The following NRP1 variants were observed in gnomAD, a reference collection of about 807,000 sequenced individuals.
The protein encoded by NRP1 is neuropilin 1, also known as neuropilin-1.
Under a neutral mutation model 106.7 loss-of-function variants are expected in NRP1, and 35 were observed. The ratio of observed to expected loss-of-function variants is 0.33; its 90% CI spans 0.25 to 0.43. The LOEUF (loss-of-function observed/expected upper bound fraction) is 0.43, where lower values mean the gene tolerates loss of function less well. Among genes scored for constraint, NRP1 ranks in the 20% least tolerant of loss-of-function variants. NRP1 has a pLI of 1.00. For missense variants in NRP1, 1,024 were observed against 1,170.4 expected (o/e 0.87, Z 1.83); for synonymous variants, 437 against 417.9 (o/e 1.05, Z -0.56).
chr10:33,192,515 C>T (rs557871002), intron 12 of NRP1, 97 bp from the exon 13 acceptor site: 16 of 1,262,890 alleles, frequency 1.3e-5, no homozygotes, highest in Admixed American at 4.2e-5. Flanking sequence ...ATGGAAAGCA[C>T]GATTTATACA....
chr10:33,247,651 G>A (rs1216097353), intron 6 of NRP1, among the ~76,000 whole-genome samples: 3 of 152,158 alleles, frequency 2.0e-5, no homozygotes, highest in African/African-American at 2.4e-5. Context: ...TACCTCAGTC[G>A]CAAGAGCATG....
At chr10:33,240,279 G>A (rs1035698958) in intron 6 of NRP1, among the ~76,000 whole-genome samples, 2 of 152,148 alleles carry the variant, frequency 1.3e-5, no homozygotes, top group African/African-American at 4.8e-5. Flanking sequence ...GTATTAAATA[G>A]CATGTACAGG....
At chr10:33,313,839 C>A (rs1846795953) in intron 2 of NRP1, among the ~76,000 whole-genome samples, 1 of 152,196 alleles carries the variant, frequency 6.6e-6, no homozygotes. Flanking sequence ...GCTGAGGGCA[C>A]AATCAAGAGA....
intron 2 of NRP1, among the ~76,000 whole-genome samples, chr10:33,305,713 T>C (rs1846103451): frequency 6.6e-6 from 1 of 151,594 alleles, no homozygotes; most frequent in Non-Finnish European, 1.5e-5. Flanking sequence ...TAAAAGTCTA[T>C]GATAACGGGA....
At chr10:33,257,142 A>G (rs907199596) in intron 4 of NRP1, among the ~76,000 whole-genome samples, 22 of 152,222 alleles carry the variant, frequency 1.4e-4, no homozygotes, top group Admixed American at 1.3e-3. Flanking sequence ...TTTATACATA[A>G]TGGCAACTTA....
At chr10:33,270,637 C>G (rs1379386716) in intron 3 of NRP1, 38 bp downstream of exon 3, 1 of 1,545,962 alleles carries the variant, frequency 6.5e-7, no homozygotes, top group Non-Finnish European at 8.8e-7. Context: ...TAAATGAACT[C>G]TTAGTCATTC....
At chr10:33,185,480 T>G in intron 15 of NRP1, 148 bp downstream of exon 15, 1 of 612,698 alleles carries the variant, frequency 1.6e-6, no homozygotes, top group Non-Finnish European at 2.9e-6. Context: ...TTGTATGCCC[T>G]GTTGCACCAG....
chr10:33,229,521 C>T (rs1313450243), intron 6 of NRP1, among the ~76,000 whole-genome samples: 1 of 152,130 alleles, frequency 6.6e-6, no homozygotes, highest in Non-Finnish European at 1.5e-5. Flanking sequence ...ACAGATGGCT[C>T]TTTAGTTTGG....
chr10:33,270,966 G>A (rs1274136709), intron 2 of NRP1, 110 bp from the exon 3 acceptor site: 2 of 896,140 alleles, frequency 2.2e-6, no homozygotes, highest in Non-Finnish European at 3.3e-6. Context: ...AGAAAAAAAA[G>A]TTCTATCTGC....
intron 2 of NRP1, among the ~76,000 whole-genome samples, chr10:33,282,811 T>A (rs1844239250): frequency 6.6e-6 from 1 of 151,992 alleles, no homozygotes; most frequent in Admixed American, 6.6e-5. Context: ...AGTGGCACGA[T>A]CTTGGCTCAC....
chr10:33,187,594 G>A (rs1040889401), intron 13 of NRP1, among the ~76,000 whole-genome samples: 2 of 152,082 alleles, frequency 1.3e-5, no homozygotes, highest in African/African-American at 2.4e-5. Flanking sequence ...TCTTGGCTTC[G>A]CTTTTAATGA....
chr10:33,250,064 A>G (rs909407803), intron 6 of NRP1, among the ~76,000 whole-genome samples: 2 of 152,158 alleles, frequency 1.3e-5, no homozygotes, highest in Non-Finnish European at 2.9e-5. Context: ...GTGAGGGCAT[A>G]TTTCATGCAA....
intron 13 of NRP1, among the ~76,000 whole-genome samples, chr10:33,190,776 A>ATATGTGTGTGTGTG (rs1369837199): frequency 6.6e-6 from 1 of 151,934 alleles, no homozygotes; most frequent in African/African-American, 2.4e-5. Flanking sequence ...GTGAGTGTGT[A>ATATGTGTGTGTGTG]TATGTGTGTG....
At chr10:33,303,055 T>C (rs1845915885) in intron 2 of NRP1, among the ~76,000 whole-genome samples, 3 of 152,196 alleles carry the variant, frequency 2.0e-5, no homozygotes, top group African/African-American at 7.2e-5. Context: ...AGCTAACCAG[T>C]TCAGGCAAAA....
intron 6 of NRP1, among the ~76,000 whole-genome samples, chr10:33,230,083 C>T (rs962634254): frequency 2.3e-5 from 3 of 129,606 alleles, no homozygotes; most frequent in African/African-American, 8.6e-5. Context: ...CATACAGCCT[C>T]TCCAGCACTT....
chr10:33,251,186 G>A (rs1293138311), intron 6 of NRP1, among the ~76,000 whole-genome samples: 2 of 152,230 alleles, frequency 1.3e-5, no homozygotes, highest in East Asian at 3.9e-4. Flanking sequence ...TTATAAGATG[G>A]TTTGGAAGTT....
intron 3 of NRP1, among the ~76,000 whole-genome samples, chr10:33,266,692 A>G (rs940156271): frequency 2.0e-5 from 3 of 152,080 alleles, no homozygotes; most frequent in African/African-American, 7.2e-5. Flanking sequence ...GTAATCCCCA[A>G]TGGTGGAGGT....
chr10:33,213,135 A>G, intron 9 of NRP1: 1 of 1,017,898 alleles, frequency 9.8e-7, no homozygotes, highest in Non-Finnish European at 1.4e-6. Context: ...CTGCATGTTG[A>G]GCTGTCTGTC....
chr10:33,240,812 G>A (rs565129144), intron 6 of NRP1, among the ~76,000 whole-genome samples: 1 of 151,768 alleles, frequency 6.6e-6, no homozygotes, highest in Admixed American at 6.6e-5. Flanking sequence ...AGACAAGAAC[G>A]AAGAGAAAGA....
Sources: allele counts gnomAD v4.1 joint callset (sites outside exome capture counted in the v4.1 genomes callset), GRCh38; gene constraint gnomAD v4.1.1; transcripts MANE v1.5; gene names NCBI Gene and HGNC (gene_info 2026-07-23, HGNC 2026-07-21).